PHF20: variants seen among roughly 807,000 people sequenced by gnomAD.
The protein encoded by PHF20 is PHD finger protein 20, also known as glioma-expressed antigen 2.
PHF20 carries 23 observed loss-of-function variants against 113.5 expected under a neutral mutation model. That is an observed-to-expected ratio of 0.20 (90% CI 0.15 to 0.29). PHF20 has a LOEUF of 0.29. PHF20 is among the 10% of genes least tolerant of loss of function. The pLI is 1.00. For synonymous variants in PHF20, 434 were observed against 457.3 expected, an observed-to-expected ratio of 0.95 and a Z score of 0.65; for missense variants, 943 against 1,219.6, an observed-to-expected ratio of 0.77 and a Z score of 3.38.
chr20:35,783,645 C>T (rs1044352631), intron 1 of PHF20, among the ~76,000 whole-genome samples: 2 of 151,398 alleles, frequency 1.3e-5, no homozygotes, highest in African/African-American at 2.4e-5. Flanking sequence ...AGGCTGATCT[C>T]AAACTCTTGG....
At chr20:35,927,950 T>G in intron 14 of PHF20, 71 bp downstream of exon 14, 1 of 1,053,920 alleles carries the variant, frequency 9.5e-7, no homozygotes, top group South Asian at 1.3e-5. Flanking sequence ...TGTGACACAT[T>G]CTAAATGTCT....
At chr20:35,935,848 A>C (rs1284686948) in intron 15 of PHF20, among the ~76,000 whole-genome samples, 1 of 152,218 alleles carries the variant, frequency 6.6e-6, no homozygotes, top group Admixed American at 6.5e-5. Flanking sequence ...CTCTGTATTC[A>C]TGGATGGTCT....
At chr20:35,939,832 A>T (rs1372210562) in intron 16 of PHF20, among the ~76,000 whole-genome samples, 1 of 152,098 alleles carries the variant, frequency 6.6e-6, no homozygotes, top group Non-Finnish European at 1.5e-5. Flanking sequence ...TGTTAAATAC[A>T]TTGCTGCATG....
At chr20:35,879,850 G>A (rs1172588217) in intron 9 of PHF20, among the ~76,000 whole-genome samples, 3 of 151,656 alleles carry the variant, frequency 2.0e-5, no homozygotes, top group African/African-American at 7.3e-5. Context: ...TTAGCCGGGT[G>A]TGGTGGCATG....
intron 15 of PHF20, among the ~76,000 whole-genome samples, chr20:35,937,216 C>T (rs1028047543): frequency 1.3e-5 from 2 of 152,038 alleles, no homozygotes; most frequent in Non-Finnish European, 2.9e-5. Flanking sequence ...CCTTTGGGCT[C>T]CCAGCACTTT....
In PHF20 at chr20:35,946,177, G is replaced by GA. The variant is rs1273179710; in HGVS notation, c.2897-1299dup. On this transcript the variant is annotated intron_variant, in intron 17 of 17. Transcript: ENST00000374012. ...ACAAGAGCGAAACTCTGTCTCAAAAGAAAAAAAAAGGCCAGGCCCAGTGGC... is the reference window on the plus strand; with the variant it reads ...ACAAGAGCGAAACTCTGTCTCAAAAGAAAAAAAAAAGGCCAGGCCCAGTGGC... 4.1e-5 allele frequency among the ~76,000 whole-genome samples: 6 copies of GA among 147,354 alleles called. No homozygotes were observed. In the East Asian group the frequency reaches 6.1e-4, roughly 15 times the overall value.
intron 1 of PHF20, among the ~76,000 whole-genome samples, chr20:35,778,990 G>A (rs2041229935): frequency 6.6e-6 from 1 of 151,946 alleles, no homozygotes; most frequent in African/African-American, 2.4e-5. Flanking sequence ...AGGAGCAAGA[G>A]GAGGGGCTTG....
intron 2 of PHF20, among the ~76,000 whole-genome samples, chr20:35,838,796 TGGGCAA>T (rs2042487765): frequency 6.7e-6 from 1 of 149,768 alleles, no homozygotes; most frequent in South Asian, 2.1e-4. Context: ...AAGACCAGCC[TGGGCAA>T]CATAGTGAGA....
chr20:35,902,681 G>A (rs2055120056), intron 10 of PHF20, among the ~76,000 whole-genome samples: 1 of 152,226 alleles, frequency 6.6e-6, no homozygotes, highest in African/African-American at 2.4e-5. Context: ...CAGCTCACCT[G>A]AGTTTGAATA....
chr20:35,857,267 G>A (rs751927437), intron 4 of PHF20, among the ~76,000 whole-genome samples: 10 of 152,104 alleles, frequency 6.6e-5, no homozygotes, highest in Non-Finnish European at 1.0e-4. Context: ...AGTGTTGTTT[G>A]GGTACAACTA....
At chr20:35,852,109 AG>A (rs566264896) in intron 4 of PHF20, among the ~76,000 whole-genome samples, 26 of 152,264 alleles carry the variant, frequency 1.7e-4, no homozygotes, top group African/African-American at 5.8e-4. Flanking sequence ...CTAAGCTCAC[AG>A]GGGGAAACTG....
At chr20:35,947,003 C>T (rs767787055) in intron 17 of PHF20, among the ~76,000 whole-genome samples, 12 of 152,260 alleles carry the variant, frequency 7.9e-5, no homozygotes, top group East Asian at 1.9e-4. Context: ...CCACCGCGCC[C>T]GGCTGGGAAA....
chr20:35,860,569 C>T lies in PHF20; in HGVS notation c.420+2188C>T, dbSNP rs144547020. Among the ~76,000 whole-genome samples the T allele has an allele frequency of 3.5e-3, 536 of 152,204 alleles. 3 individuals carry two copies. Among genetic ancestry groups the T allele is most frequent in the African/African-American group, 0.011 (477 of 41,546 alleles). On this transcript the variant is annotated intron_variant, in intron 5 of 17. Transcript: ENST00000374012. Reference sequence around the variant, plus strand: ...ATTCAAAGGATTTTGATACATGATACCTTTAGTGGTAACCTCAAGAATGTT... The same window carrying T: ...ATTCAAAGGATTTTGATACATGATATCTTTAGTGGTAACCTCAAGAATGTT...
chr20:35,936,289 G>A (rs1207163298), intron 15 of PHF20, among the ~76,000 whole-genome samples: 1 of 152,166 alleles, frequency 6.6e-6, no homozygotes. Context: ...CCTGTCTGGA[G>A]GTATCCCAAA....
intron 2 of PHF20, among the ~76,000 whole-genome samples, chr20:35,826,804 G>C (rs2042270493): frequency 6.6e-6 from 1 of 152,128 alleles, no homozygotes; most frequent in Non-Finnish European, 1.5e-5. Context: ...AAGGGGTTTA[G>C]GGGTGATGTG....
chr20:35,802,989 C>G (rs777425731), intron 2 of PHF20, among the ~76,000 whole-genome samples: 1 of 148,448 alleles, frequency 6.7e-6, no homozygotes, highest in Non-Finnish European at 1.5e-5. Flanking sequence ...TGTGGTGGCT[C>G]ACGCCTATAA....
At chr20:35,852,683 C>T (rs558118616) in intron 4 of PHF20, among the ~76,000 whole-genome samples, 3 of 151,466 alleles carry the variant, frequency 2.0e-5, no homozygotes, top group Non-Finnish European at 4.4e-5. Context: ...ACTGCAACCT[C>T]CGCCTCCTGG....
At chr20:35,910,759 G>A (rs2055284790) in intron 10 of PHF20, among the ~76,000 whole-genome samples, 1 of 151,868 alleles carries the variant, frequency 6.6e-6, no homozygotes, top group Non-Finnish European at 1.5e-5. Flanking sequence ...CTCCCAAGTA[G>A]CTGGGATTAC....
At chr20:35,862,991 A>G (rs1033792563) in intron 5 of PHF20, 22 bp from the exon 6 acceptor site, 6 of 1,535,906 alleles carry the variant, frequency 3.9e-6, no homozygotes, top group African/African-American at 2.8e-5. Context: ...GAAGTGTTTC[A>G]TCGCTATTTT....
Sources: allele counts gnomAD v4.1 joint callset (sites outside exome capture counted in the v4.1 genomes callset), GRCh38; gene constraint gnomAD v4.1.1; transcripts MANE v1.5; gene names NCBI Gene and HGNC (gene_info 2026-07-23, HGNC 2026-07-21).